POLR1A: variants seen among roughly 807,000 people sequenced by gnomAD.
The protein encoded by POLR1A is RNA polymerase I subunit A, also known as DNA-directed RNA polymerase I subunit RPA1.
POLR1A carries 84 observed loss-of-function variants against 205.3 expected under a neutral mutation model. The observed-to-expected ratio is 0.41, with a 90% CI of 0.34 to 0.49. The LOEUF is 0.49. Among genes scored for constraint, POLR1A ranks in the 20% least tolerant of loss-of-function variants. POLR1A has a pLI of 0.22. For synonymous variants in POLR1A, 799 were observed against 863.7 expected (o/e 0.93, Z 1.31); for missense variants, 1,645 against 2,204.5 (o/e 0.75, Z 5.08).
At chr2:86,104,390 G>A (rs973361503) in intron 1 of POLR1A, among the ~76,000 whole-genome samples, 2 of 151,034 alleles carry the variant, frequency 1.3e-5, no homozygotes, top group African/African-American at 4.9e-5. Flanking sequence ...TTTGCACTAC[G>A]TACACCATTT....
At position 86,100,129 on chromosome 2, in the gene POLR1A, T is replaced by C. The variant is rs1211149226; in HGVS notation, c.121A>G (p.Ser41Gly). 1 of 1,614,066 alleles carries C rather than the reference T, an allele frequency of 6.2e-7. No individual in the cohort carries two copies. Among genetic ancestry groups the C allele is most frequent in the Non-Finnish European group, 8.5e-7 (1 of 1,180,024 alleles). The change falls in exon 2 of 34, where the codon AGC (serine) becomes GGC (glycine). Residue 41 changes from serine to glycine, a missense_variant. Around this residue, in one of 16 missense-constraint regions of POLR1A, gnomAD observed 330 missense variants for 375.6 expected, o/e 0.88. Transcript: ENST00000263857. ...KSITNPRYLD[S>G]LGNPSANGLY... is the part of the protein sequence containing the mutation. ...CCGTTTGCCGATGGGTTCCCCAGGC[T>C]GTCCAGGTATCGAGGGTTCGTAATG...
rs754582129 is a variant in POLR1A, at chr2:86,088,862, G to A, written c.549C>T (p.Asn183=). Residue 183 remains asparagine, a synonymous_variant, in exon 5 of 34, where the codon AAC becomes AAT. Coordinates refer to ENST00000263857, the MANE Select transcript of POLR1A (RefSeq NM_015425.6). ...LLGSQGAHVK[N]VCESKSKLIA... ...TGAGCTTGCTCTTGCTCTCACACAC[G>A]TTCTTTACCTGTTTTTTTAAAAAAA... 6.2e-7 allele frequency: 1 copy of A among 1,610,776 alleles called. No individual in the cohort carries two copies. Among genetic ancestry groups the A allele is most frequent in the South Asian group, 1.1e-5 (1 of 90,604 alleles).
chr2:86,028,350 A>G lies in POLR1A; in HGVS notation c.4897+244T>C, dbSNP rs1672308348. The stretch of plus-strand genomic sequence containing the variant: ...GCAGGATGGGGCCAAGTTATCAATC[A>G]GGAGCTTTCTCTAAGGCACCAGCAG... On this transcript the variant is annotated intron_variant, in intron 32 of 33. Coordinates refer to ENST00000263857, the MANE Select transcript of POLR1A (RefSeq NM_015425.6). This position sits in a 1 kb window ranked among gnomAD's most constrained non-coding sequence, Gnocchi z 4.5. Among the ~76,000 whole-genome samples, 2 of 152,234 alleles carry G rather than the reference A, an allele frequency of 1.3e-5. No individual in the cohort carries two copies. Among genetic ancestry groups the G allele is most frequent in the South Asian group, 4.1e-4 (2 of 4,834 alleles).
chr2:86,027,812 A>C, intron 33 of POLR1A, 73 bp downstream of exon 33: 1 of 1,510,404 alleles, frequency 6.6e-7, no homozygotes, highest in South Asian at 1.1e-5. Context: ...CCATGGAAAG[A>C]TGCCCATGGG....
intron 31 of POLR1A, among the ~76,000 whole-genome samples, chr2:86,029,847 G>C (rs576593258): frequency 1.3e-5 from 2 of 152,110 alleles, no homozygotes; most frequent in East Asian, 3.9e-4. Flanking sequence ...TGATCCGCCT[G>C]CCTTGGCCTC....
At chr2:86,052,577 A>G (rs1299384399) in intron 16 of POLR1A, among the ~76,000 whole-genome samples, 1 of 152,248 alleles carries the variant, frequency 6.6e-6, no homozygotes, top group Non-Finnish European at 1.5e-5. Flanking sequence ...TGTAGCACAC[A>G]TGAAGCATAT....
intron 11 of POLR1A, among the ~76,000 whole-genome samples, chr2:86,076,360 C>G (rs1025948683): frequency 2.6e-5 from 4 of 152,208 alleles, no homozygotes; most frequent in African/African-American, 9.6e-5. Context: ...GATGCACTTA[C>G]CACCCATCAC....
rs910646399 is a variant in POLR1A at position 86,043,241 on chromosome 2, G to C, written c.3136-46C>G. Reference sequence around the variant, plus strand: ...ACAAACAAACAAATCACACACATGAGATCAAAGAGATGAGGGCGTGACAAG... The same window carrying C: ...ACAAACAAACAAATCACACACATGACATCAAAGAGATGAGGGCGTGACAAG... On this transcript the variant is annotated intron_variant, in intron 22 of 33. Transcript: ENST00000263857. The C allele has an allele frequency of 2.0e-6, 3 of 1,485,712 alleles. No individual in the cohort carries two copies. In the African/African-American group the frequency reaches 4.1e-5, roughly 21 times the overall value. 92.0% of individuals were successfully genotyped at this position (1,485,712 alleles called of 1,614,324 possible).
chr2:86,088,441 T>C (rs1450109845), intron 6 of POLR1A, 125 bp downstream of exon 6: 6 of 654,362 alleles, frequency 9.2e-6, no homozygotes, highest in Non-Finnish European at 1.6e-5. Context: ...CTGCACACTG[T>C]GCCTCTGCTG....
rs189372071 is a variant in POLR1A at position 86,062,927 on chromosome 2, A to C, written c.2058+2347T>G. On this transcript the variant is annotated intron_variant, in intron 14 of 33. Coordinates refer to ENST00000263857, the MANE Select transcript of POLR1A (RefSeq NM_015425.6). ...ACAACTTTGTGCCTATAAATTCAGT[A>C]ACTTAGATGAAATGGACAAATTCCC... 1.5e-3 allele frequency among the ~76,000 whole-genome samples: 231 copies of C among 152,370 alleles called. 2 individuals carry two copies. Among genetic ancestry groups the C allele is most frequent in the Non-Finnish European group, 1.1e-3 (78 of 68,038 alleles).
At chr2:86,050,073 A>G (rs1158164513) in intron 16 of POLR1A, among the ~76,000 whole-genome samples, 2 of 152,058 alleles carry the variant, frequency 1.3e-5, no homozygotes, top group African/African-American at 4.8e-5. Flanking sequence ...GCACGCCACC[A>G]CACCCAGCTA....
chr2:86,102,137 C>T (rs1322581392), intron 1 of POLR1A, among the ~76,000 whole-genome samples: 2 of 152,146 alleles, frequency 1.3e-5, no homozygotes, highest in African/African-American at 4.8e-5. Context: ...CTTTCAATTC[C>T]TTGGATACAC....
chr2:86,064,873 G>A (rs534299872), intron 14 of POLR1A, among the ~76,000 whole-genome samples: 2 of 151,712 alleles, frequency 1.3e-5, no homozygotes, highest in South Asian at 4.3e-4. Context: ...CTTGCCTCAG[G>A]CTGAGGCGAT....
rs1425200582 is a variant in POLR1A, at chr2:86,028,437, C to G, written c.4897+157G>C. 6.6e-6 allele frequency among the ~76,000 whole-genome samples: 1 copy of G among 152,198 alleles called. No individual in the cohort carries two copies. Among genetic ancestry groups the G allele is most frequent in the African/African-American group, 2.4e-5 (1 of 41,454 alleles). On this transcript the variant is annotated intron_variant, in intron 32 of 33. Coordinates refer to ENST00000263857, the MANE Select transcript of POLR1A (RefSeq NM_015425.6). This position sits in a 1 kb window ranked among gnomAD's most constrained non-coding sequence, Gnocchi z 4.5. Reference sequence around the variant, plus strand: ...CGTCACCTCTTCACAGATCTGCAGTCTCCTACAGGTGCACTCACTGCACGC... The same window carrying G: ...CGTCACCTCTTCACAGATCTGCAGTGTCCTACAGGTGCACTCACTGCACGC...
chr2:86,027,673 G>T, intron 33 of POLR1A, 150 bp from the exon 34 acceptor site: 1 of 829,846 alleles, frequency 1.2e-6, no homozygotes, highest in Non-Finnish European at 2.0e-6. Context: ...CCCCCCTCTA[G>T]CACTTGAGAG....
chr2:86,027,196 A>T lies in POLR1A; in HGVS notation c.*227T>A, dbSNP rs1360132193. 16 of 580,252 alleles carry T rather than the reference A, an allele frequency of 2.8e-5. No homozygotes were observed. Among genetic ancestry groups the T allele is most frequent in the South Asian group, 2.1e-4 (10 of 47,860 alleles). The allele number at this position is 580,252 out of a possible 1,614,324, so 35.9% of individuals were successfully genotyped here. A position where few individuals can be genotyped will look rare whatever the true frequency, so the allele number is the denominator to read the frequency against. On this transcript the variant is annotated 3_prime_UTR_variant, in exon 34 of 34. Coordinates refer to ENST00000263857, the MANE Select transcript of POLR1A (RefSeq NM_015425.6). ...GAAGACTTGGTAAACCTTGATAAAA[A>T]TCCAGAGACAGGGAGGGGCAAGGAT...
intron 1 of POLR1A, 109 bp from the exon 2 acceptor site, chr2:86,100,281 G>T (rs1318784820): frequency 3.9e-6 from 3 of 778,022 alleles, no homozygotes; most frequent in Non-Finnish European, 6.5e-6. Flanking sequence ...CTGCTTGATA[G>T]CTCTGGAGGG....
At chr2:86,076,894 T>C (rs1418391215) in intron 11 of POLR1A, among the ~76,000 whole-genome samples, 3 of 152,196 alleles carry the variant, frequency 2.0e-5, no homozygotes, top group Non-Finnish European at 4.4e-5. Context: ...CACTGGACTT[T>C]GCAAAGCTGG....
At position 86,074,137 on chromosome 2, in the gene POLR1A, A is replaced by T. The variant is rs140124593; in HGVS notation, c.1611+893T>A. 5.3e-3 allele frequency among the ~76,000 whole-genome samples: 807 copies of T among 152,336 alleles called. 6 individuals are homozygous for T. Among genetic ancestry groups the T allele is most frequent in the Admixed American group, 8.7e-3 (133 of 15,306 alleles). The stretch of plus-strand genomic sequence containing the variant: ...GGAAGCAAGAAGGCCTGTGATGAGC[A>T]GTGATGGGCACCGCCGCAAGGCCAG... On this transcript the variant is annotated intron_variant, in intron 12 of 33. Transcript: ENST00000263857.
Sources: allele counts gnomAD v4.1 joint callset (sites outside exome capture counted in the v4.1 genomes callset), GRCh38; gene constraint gnomAD v4.1.1; regional missense constraint gnomAD v4.1.1; non-coding constraint Gnocchi (gnomAD v3.1); transcripts MANE v1.5; gene names NCBI Gene and HGNC (gene_info 2026-07-23, HGNC 2026-07-21).